Variants in ZDBF2 observed in about 807,000 individuals in gnomAD.
ZDBF2 encodes zinc finger DBF-type containing 2.
Under a neutral mutation model 9.4 loss-of-function variants are expected in ZDBF2, and 6 were observed. The ratio of observed to expected loss-of-function variants is 0.64; its 90% CI spans 0.35 to 1.27. The LOEUF (loss-of-function observed/expected upper bound fraction) is 1.27. Ranked by LOEUF, ZDBF2 falls within the 50% of genes most tolerant of loss-of-function variation. ZDBF2 has a pLI of 0.03. For missense variants in ZDBF2, 2,697 were observed against 2,766.8 expected, an observed-to-expected ratio of 0.97 and a Z score of 0.57; for synonymous variants, 905 against 946.3, an observed-to-expected ratio of 0.96 and a Z score of 0.80.
At position 206,274,912 on chromosome 2, in the gene ZDBF2, G is replaced by T. The variant is rs1690893089; in HGVS notation, c.-137G>T. 6.6e-6 allele frequency: 1 copy of T among 151,558 alleles called. No homozygotes were observed. Among genetic ancestry groups the T allele is most frequent in the Non-Finnish European group, 1.5e-5 (1 of 67,870 alleles). The allele number at this position is 151,558 out of a possible 1,614,324, so 9.4% of individuals were successfully genotyped here. On this transcript the variant is annotated 5_prime_UTR_variant, in exon 1 of 5. Coordinates refer to ENST00000374423, the MANE Select transcript of ZDBF2 (RefSeq NM_020923.3). ...CCCGGCTCGGTCCTCGGTCTCCACC[G>T]CGGCCCGGAAGGAATCCGGGCAGCC...
intron 3 of ZDBF2, among the ~76,000 whole-genome samples, chr2:206,294,542 G>A (rs985534524): frequency 6.6e-6 from 1 of 152,122 alleles, no homozygotes; most frequent in African/African-American, 2.4e-5. Flanking sequence ...CTTGTTACGT[G>A]GGTATGTTGT....
At position 206,311,032 on chromosome 2, in the gene ZDBF2, G is replaced by A. The variant is rs1693151604; in HGVS notation, c.6504G>A (p.Leu2168=). 1 of 1,610,084 alleles carries A rather than the reference G, an allele frequency of 6.2e-7. No homozygotes were observed. Among genetic ancestry groups the A allele is most frequent in the South Asian group, 1.1e-5 (1 of 89,956 alleles). ...ISPKSVRNKL[L]ESQSKKKIHG... The stretch of plus-strand genomic sequence containing the variant: ...CAAAATCAGTTAGAAATAAGCTTTT[G>A]GAAAGTCAAAGTAAAAAGAAAATTC... The change falls in exon 5 of 5, where the codon TTG becomes TTA. Residue 2168 remains leucine, a synonymous_variant. Transcript: ENST00000374423.
At chr2:206,304,618 A>G in intron 4 of ZDBF2, 99 bp from the exon 5 acceptor site, 1 of 1,393,720 alleles carries the variant, frequency 7.2e-7, no homozygotes. Flanking sequence ...CTTTAAGGAT[A>G]GTCCAGAACA....
chr2:206,309,137 T>C lies in ZDBF2; in HGVS notation c.4609T>C (p.Tyr1537His). 4 of 1,613,308 alleles carry C rather than the reference T, an allele frequency of 2.5e-6. No individual in the cohort carries two copies. The highest frequency in any genetic ancestry group is 3.4e-6 in the Non-Finnish European group (4 of 1,179,568). Residue 1537 changes from tyrosine (Y) to histidine (H), a missense_variant, in exon 5 of 5, where the codon TAT (tyrosine) becomes CAT (histidine). Coordinates refer to ENST00000374423, the MANE Select transcript of ZDBF2 (RefSeq NM_020923.3). ...GGATCTGGTGCCCGGTGATAGTGATTATGAAGTAATTTCAGATGATATTCC... is the reference window on the plus strand; with the variant it reads ...GGATCTGGTGCCCGGTGATAGTGATCATGAAGTAATTTCAGATGATATTCC... The part of the protein sequence containing the change: ...LVDLVPGDSD[Y>H]EVISDDIPLQ...
At chr2:206,291,152 A>C (rs1248509692) in intron 3 of ZDBF2, among the ~76,000 whole-genome samples, 3 of 152,240 alleles carry the variant, frequency 2.0e-5, no homozygotes, top group Admixed American at 2.0e-4. Flanking sequence ...AGCTTAAATC[A>C]GCGGTCCTCA....
intron 1 of ZDBF2, among the ~76,000 whole-genome samples, chr2:206,277,321 A>C (rs1411182595): frequency 6.6e-6 from 1 of 151,824 alleles, no homozygotes; most frequent in Non-Finnish European, 1.5e-5. Flanking sequence ...TAAAAAAAAA[A>C]AAACCAAAAA....
Position 206,314,168 on chromosome 2 carries a change from G to A in ZDBF2, c.*2575G>A, listed in dbSNP as rs775081973. ...TTTTGCGTAGATTTTTATTGTAATT[G>A]TCCTGAGTTCTACAGTATGTGAACA... is the stretch of plus-strand genomic sequence containing the variant. On this transcript the variant is annotated 3_prime_UTR_variant, in exon 5 of 5. Transcript: ENST00000374423. 1 of 150,508 alleles carries A rather than the reference G, an allele frequency of 6.6e-6. No individual in the cohort carries two copies. Among genetic ancestry groups the A allele is most frequent in the East Asian group, 1.9e-4 (1 of 5,162 alleles). 9.3% of individuals were successfully genotyped at this position (150,508 alleles called of 1,614,324 possible).
At position 206,304,996 on chromosome 2, in the gene ZDBF2, G is replaced by A. The variant is rs763362585; in HGVS notation, c.468G>A (p.Gly156=). 8 of 1,613,458 alleles carry A rather than the reference G, an allele frequency of 5.0e-6. No homozygotes were observed. In the African/African-American group the frequency reaches 1.1e-4, roughly 22 times the overall value. ...CCTTGGAGTTTGTTCATAAAATTGG[G>A]GCCAGTGTGAGAAAATGTAACCTAG... ...QQPLEFVHKI[G]ASVRKCNLVD... Residue 156 remains glycine, a synonymous_variant, in exon 5 of 5, where the codon GGG becomes GGA. Transcript: ENST00000374423.
rs1211900027 is a variant in ZDBF2, at chr2:206,311,063, AAG to A, written c.6538_6539del (p.Arg2180GlyfsTer4). 6 of 1,611,526 alleles carry A rather than the reference AAG, an allele frequency of 3.7e-6. No individual in the cohort carries two copies. The highest frequency in any genetic ancestry group is 1.3e-5 in the African/African-American group (1 of 74,674). On this transcript the variant is annotated frameshift_variant, in exon 5 of 5. Coordinates refer to ENST00000374423, the MANE Select transcript of ZDBF2 (RefSeq NM_020923.3). LOFTEE classifies it low-confidence loss of function (END_TRUNC). ...ESQSKKKIHG[K>X]RVTTSSNKLG... is the part of the protein sequence containing the mutation. Reference sequence around the variant, plus strand: ...TCAAAGTAAAAAGAAAATTCATGGAAAGAGGGTGACAACTAGTAGTAATAAGC... The same window carrying A: ...TCAAAGTAAAAAGAAAATTCATGGAAAGGGTGACAACTAGTAGTAATAAGC...
chr2:206,305,373 T>C lies in ZDBF2; in HGVS notation c.845T>C (p.Leu282Ser), dbSNP rs756377343. ...GATGTAAAATCTCAGGGTAAAACTT[T>C]ATCAGCTGGCTTGAAATTCCATGAA... ...WKDVKSQGKT[L>S]SAGLKFHERM... The change falls in exon 5 of 5, where the codon TTA (leucine) becomes TCA (serine). Residue 282 changes from leucine to serine, a missense_variant. By Grantham distance (145) the Leu-to-Ser change is moderately radical (BLOSUM62 -2). Transcript: ENST00000374423. 2.8e-5 allele frequency: 45 copies of C among 1,612,960 alleles called. No homozygotes were observed. In the African/African-American group the frequency reaches 5.2e-4, roughly 19 times the overall value.
In ZDBF2 at chr2:206,299,822, C is replaced by T. The variant is rs76970672; in HGVS notation, c.188+2449C>T. 7.3e-3 allele frequency among the ~76,000 whole-genome samples: 1,107 copies of T among 150,884 alleles called. 13 individuals are homozygous for T. The highest frequency in any genetic ancestry group is 0.026 in the African/African-American group (1,053 of 41,210). On this transcript the variant is annotated intron_variant, in intron 4 of 4. Coordinates refer to ENST00000374423, the MANE Select transcript of ZDBF2 (RefSeq NM_020923.3). ...TTGGCCTCTAAAAAAAAAAACAAGC[C>T]CCAAGCTGGACGCAGTGGCTCACGC...
Position 206,305,820 on chromosome 2 carries a change from C to G in ZDBF2, c.1292C>G (p.Ser431Cys). Reference sequence around the variant, plus strand: ...GTGAGTGCCAAAGAAGTAAACCTTTCCAAGGAAGTACGTACTGATGTACAG... The same window carrying G: ...GTGAGTGCCAAAGAAGTAAACCTTTGCAAGGAAGTACGTACTGATGTACAG... Reference protein sequence around the residue: ...SKVSAKEVNLSKEVRTDVQYK... With the variant: ...SKVSAKEVNLCKEVRTDVQYK... The change falls in exon 5 of 5, where the codon TCC (serine) becomes TGC (cysteine). Residue 431 changes from serine (S) to cysteine (C), a missense_variant. This residue lies in a region of ZDBF2 where 910 missense variants were observed against 973.6 expected (regional missense o/e 0.93). Coordinates refer to ENST00000374423, the MANE Select transcript of ZDBF2 (RefSeq NM_020923.3). The G allele has an allele frequency of 1.2e-6, 2 of 1,613,460 alleles. No homozygotes were observed. Among genetic ancestry groups the G allele is most frequent in the Non-Finnish European group, 1.7e-6 (2 of 1,179,744 alleles).
Position 206,307,841 on chromosome 2 carries a change from A to G in ZDBF2, c.3313A>G (p.Lys1105Glu). The G allele has an allele frequency of 6.2e-7, 1 of 1,612,416 alleles. No individual in the cohort carries two copies. Among genetic ancestry groups the G allele is most frequent in the South Asian group, 1.1e-5 (1 of 90,552 alleles). Residue 1105 changes from lysine to glutamate, a missense_variant, in exon 5 of 5, where the codon AAA becomes GAA. Physicochemically the swap from Lys to Glu is moderately conservative, Grantham distance 56 (BLOSUM62 1). Around this residue, in one of 3 missense-constraint regions of ZDBF2, gnomAD observed 1,783 missense variants for 1,776.5 expected, o/e 1.00. Coordinates refer to ENST00000374423, the MANE Select transcript of ZDBF2 (RefSeq NM_020923.3). ...DQWKEEVIGL[K>E]NKINEPSTYK... ...ATGGAAGGAAGAGGTTATTGGCCTG[A>G]AAAATAAGATTAATGAACCTAGTAC...
rs1691308668 is a variant in ZDBF2 at position 206,281,386 on chromosome 2, A to C, written c.-49-415A>C. ...GTCTTTACACTCATGATAACAGAGA[A>C]TGAGACGTTGTCAAATAATCTGGGG... On this transcript the variant is annotated intron_variant, in intron 2 of 4. Transcript: ENST00000374423. Among the ~76,000 whole-genome samples, 2 of 152,336 alleles carry C rather than the reference A, an allele frequency of 1.3e-5. 1 individual carries two copies. Among genetic ancestry groups the C allele is most frequent in the East Asian group, 3.9e-4 (2 of 5,190 alleles).
rs776850952 is a variant in ZDBF2 at position 206,306,740 on chromosome 2, A to G, written c.2212A>G (p.Met738Val). 2.0e-5 allele frequency: 32 copies of G among 1,613,720 alleles called. No individual in the cohort carries two copies. In the Admixed American group the frequency reaches 2.3e-4, roughly 12 times the overall value. Residue 738 changes from methionine to valine, a missense_variant, in exon 5 of 5, where the codon ATG becomes GTG. Met to Val is a conservative substitution (Grantham distance 21). Transcript: ENST00000374423. Reference protein sequence around the residue: ...EVNLKELNIDMEVRSYDCSSS... With the variant: ...EVNLKELNIDVEVRSYDCSSS... ...AAATCTTAAAGAGTTAAATATTGAC[A>G]TGGAAGTTAGGAGCTATGATTGCTC... is the stretch of plus-strand genomic sequence containing the variant.
chr2:206,305,278 G>A lies in ZDBF2; in HGVS notation c.750G>A (p.Ser250=), dbSNP rs188123543. 3.0e-4 allele frequency: 485 copies of A among 1,613,022 alleles called. 1 individual carries two copies. The highest frequency in any genetic ancestry group is 1.5e-3 in the East Asian group (69 of 44,866). ...PSSHVETTSF[S]YQKHKESNRK... ...CCCATGTAGAAACTACTTCATTTTC[G>A]TATCAGAAACATAAAGAATCAAATA... The change falls in exon 5 of 5, where the codon TCG becomes TCA. Residue 250 remains serine, a synonymous_variant. Coordinates refer to ENST00000374423, the MANE Select transcript of ZDBF2 (RefSeq NM_020923.3).
At chr2:206,275,884 C>T (rs1485955219) in intron 1 of ZDBF2, among the ~76,000 whole-genome samples, 3 of 152,142 alleles carry the variant, frequency 2.0e-5, no homozygotes, top group Non-Finnish European at 4.4e-5. Context: ...GACCTTTTCT[C>T]TATCGTTTGA....
At chr2:206,279,116 T>C (rs1278462971) in intron 1 of ZDBF2, among the ~76,000 whole-genome samples, 1 of 152,188 alleles carries the variant, frequency 6.6e-6, no homozygotes, top group Admixed American at 6.5e-5. Context: ...TAATAGTGTA[T>C]TGATATAGAT....
intron 1 of ZDBF2, among the ~76,000 whole-genome samples, chr2:206,276,537 A>G (rs1481020053): frequency 6.6e-6 from 1 of 152,204 alleles, no homozygotes; most frequent in Non-Finnish European, 1.5e-5. Context: ...TTTTCACCTA[A>G]TATTAAAACA....
Sources: allele counts gnomAD v4.1 joint callset (sites outside exome capture counted in the v4.1 genomes callset), GRCh38; gene constraint gnomAD v4.1.1; regional missense constraint gnomAD v4.1.1; transcripts MANE v1.5; gene names NCBI Gene and HGNC (gene_info 2026-07-23, HGNC 2026-07-21).